Variants in TRIM49B observed in about 807,000 individuals in gnomAD.
TRIM49B encodes the protein putative tripartite motif-containing protein 49B.
A neutral mutation model predicts 31.8 loss-of-function variants in TRIM49B; 18 were observed. The ratio of observed to expected loss-of-function variants is 0.57; its 90% confidence interval spans 0.39 to 0.84. The LOEUF is 0.84. Among genes scored for constraint, TRIM49B ranks in the 40% least tolerant of loss-of-function variants. TRIM49B has a pLI of 0.00. For missense variants in TRIM49B, 494 were observed against 538.7 expected (o/e 0.92, Z 0.82); for synonymous variants, 196 against 180.6 (o/e 1.09, Z -0.68).
At chr11:49,029,321 G>A (rs1401804194) in intron 1 of TRIM49B, among the ~76,000 whole-genome samples, 1 of 152,158 alleles carries the variant, frequency 6.6e-6, no homozygotes, top group African/African-American at 2.4e-5. Context: ...ATTAATGAAT[G>A]ATGAGGTTAT....
chr11:49,038,108 C>A lies in TRIM49B; in HGVS notation c.*131C>A. 1.3e-6 allele frequency: 2 copies of A among 1,524,404 alleles called. No individual in the cohort carries two copies. The highest frequency in any genetic ancestry group is 1.8e-6 in the Non-Finnish European group (2 of 1,140,160). The allele number at this position is 1,524,404 out of a possible 1,614,324, so 94.4% of individuals were successfully genotyped here. On this transcript the variant is annotated 3_prime_UTR_variant, in exon 7 of 7. Transcript: ENST00000332682. ...ATCTTGAATTGCCTTCTAATGTTAT[C>A]AAAACTCATTTATTGTGTTACTATT...
At chr11:49,029,775 C>T (rs1335470443) in intron 1 of TRIM49B, among the ~76,000 whole-genome samples, 4 of 152,144 alleles carry the variant, frequency 2.6e-5, no homozygotes, top group Admixed American at 6.5e-5. Flanking sequence ...ATACATTTAT[C>T]GGCCATTTGA....
Position 49,037,782 on chromosome 11 carries a change from A to T in TRIM49B, c.1164A>T (p.Gln388His). The T allele has an allele frequency of 6.2e-7, 1 of 1,613,992 alleles. No individual in the cohort carries two copies. The highest frequency in any genetic ancestry group is 1.1e-5 in the South Asian group (1 of 91,070). ...FLLGCVKNDI[Q>H]RSLFTTSPLL... ...TTGGGTGTGTTAAGAATGACATTCA[A>T]CGCAGTCTCTTTACCACCTCCCCAC... Residue 388 changes from glutamine to histidine, a missense_variant, in exon 7 of 7, where the codon CAA becomes CAT. Transcript: ENST00000332682.
chr11:49,035,533 G>T (rs1421576898), intron 5 of TRIM49B, among the ~76,000 whole-genome samples: 3 of 151,498 alleles, frequency 2.0e-5, no homozygotes, highest in Non-Finnish European at 4.4e-5. Context: ...CTAATTTTTT[G>T]TATTTTTAGT....
chr11:49,035,760 G>A (rs1173046438), intron 5 of TRIM49B, among the ~76,000 whole-genome samples: 3 of 152,106 alleles, frequency 2.0e-5, no homozygotes, highest in African/African-American at 7.2e-5. Context: ...GAGAAGAGGA[G>A]GAAGTATTTT....
Position 49,038,075 on chromosome 11 carries a change from T to C in TRIM49B, c.*98T>C, listed in dbSNP as rs1412749432. On this transcript the variant is annotated 3_prime_UTR_variant, in exon 7 of 7. Transcript: ENST00000332682. ...CTTAACATACAGGACAAATAGGCTC[T>C]ATTTTATATCTTGAATTGCCTTCTA... 30 of 1,557,998 alleles carry C rather than the reference T, an allele frequency of 1.9e-5. No individual in the cohort carries two copies. Among genetic ancestry groups the C allele is most frequent in the Non-Finnish European group, 2.4e-5 (28 of 1,160,920 alleles).
At chr11:49,031,094 A>T (rs1324644608) in intron 1 of TRIM49B, among the ~76,000 whole-genome samples, 1 of 151,718 alleles carries the variant, frequency 6.6e-6, no homozygotes, top group East Asian at 1.9e-4. Context: ...CTTGTTATGT[A>T]GGTAAACTTG....
At chr11:49,036,079 G>GC (rs1175710173) in intron 5 of TRIM49B, among the ~76,000 whole-genome samples, 1 of 53,208 alleles carries the variant, frequency 1.9e-5, no homozygotes, top group Non-Finnish European at 4.3e-5. Flanking sequence ...CACATTTGGG[G>GC]CAAAAAAAAA....
At chr11:49,029,151 ATTGT>A (rs140625128) in intron 1 of TRIM49B, among the ~76,000 whole-genome samples, 176 bp downstream of exon 1, 27,552 of 151,934 alleles carry the variant, frequency 0.18, 2,866 homozygotes, top group African/African-American at 0.28. Flanking sequence ...GCTTTCTATG[ATTGT>A]TTAATATAGT....
At chr11:49,033,599 A>G (rs1049931936) in intron 3 of TRIM49B, among the ~76,000 whole-genome samples, 7 of 152,216 alleles carry the variant, frequency 4.6e-5, no homozygotes, top group African/African-American at 1.7e-4. Context: ...ACCACAAAGA[A>G]GTCTATGTTT....
intron 5 of TRIM49B, among the ~76,000 whole-genome samples, chr11:49,035,649 C>T (rs1387510794): frequency 3.3e-5 from 5 of 152,072 alleles, no homozygotes; most frequent in African/African-American, 7.2e-5. Context: ...TGAACCACCG[C>T]GCCCGGCCCC....
At chr11:49,033,875 A>G (rs2696919) in intron 3 of TRIM49B, among the ~76,000 whole-genome samples, 122,820 of 152,154 alleles carry the variant, frequency 0.81, 49,892 homozygotes, top group African/African-American at 0.83. Context: ...TTCCATAAAT[A>G]TGGGTTGGAA....
At chr11:49,037,203 T>C (rs181992568) in intron 6 of TRIM49B, among the ~76,000 whole-genome samples, 34 of 152,308 alleles carry the variant, frequency 2.2e-4, no homozygotes, top group Admixed American at 2.0e-3. Flanking sequence ...CAGCATTACA[T>C]TTAGGGCATA....
rs912936138 is a variant in TRIM49B at position 49,034,094 on chromosome 11, A to G, written c.508-52A>G. The G allele has an allele frequency of 9.3e-6, 15 of 1,610,152 alleles. No homozygotes were observed. In the African/African-American group the frequency reaches 1.9e-4, roughly 20 times the overall value. ...AGACAAAAGGAATCAGTGAGATTTA[A>G]TAGGAGATGGATATATACATTTCTC... On this transcript the variant is annotated intron_variant, in intron 3 of 6. Coordinates refer to ENST00000332682, the MANE Select transcript of TRIM49B (RefSeq NM_001206626.2).
rs1055197632 is a variant in TRIM49B, at chr11:49,034,164, C to T, written c.526C>T (p.Leu176=). 1.9e-6 allele frequency: 3 copies of T among 1,611,700 alleles called. No individual in the cohort carries two copies. The highest frequency in any genetic ancestry group is 2.5e-6 in the Non-Finnish European group (3 of 1,179,796). The change falls in exon 4 of 7, where the codon CTA becomes TTA. Residue 176 remains leucine, a synonymous_variant. Coordinates refer to ENST00000332682, the MANE Select transcript of TRIM49B (RefSeq NM_001206626.2). ...ACTGCAGGATTATGTGAATTTAAGG[C>T]TAGAAGCAATTAGAGCTGAGTATCA... ...RCWKDYVNLR[L]EAIRAEYQKM...
intron 4 of TRIM49B, among the ~76,000 whole-genome samples, chr11:49,034,633 T>C (rs1020045820): frequency 5.9e-5 from 9 of 152,042 alleles, no homozygotes; most frequent in Non-Finnish European, 1.2e-4. Context: ...ATATTCCCCA[T>C]CTAATTCAAT....
At position 49,038,083 on chromosome 11, in the gene TRIM49B, A is replaced by G; in HGVS notation, c.*106A>G. 2 of 1,556,890 alleles carry G rather than the reference A, an allele frequency of 1.3e-6. No individual in the cohort carries two copies. Among genetic ancestry groups the G allele is most frequent in the Non-Finnish European group, 1.7e-6 (2 of 1,160,428 alleles). ...ACAGGACAAATAGGCTCTATTTTAT[A>G]TCTTGAATTGCCTTCTAATGTTATC... is the stretch of plus-strand genomic sequence containing the variant. On this transcript the variant is annotated 3_prime_UTR_variant, in exon 7 of 7. Coordinates refer to ENST00000332682, the MANE Select transcript of TRIM49B (RefSeq NM_001206626.2).
chr11:49,031,103 T>C (rs1283066568), intron 1 of TRIM49B, among the ~76,000 whole-genome samples: 1 of 152,182 alleles, frequency 6.6e-6, no homozygotes, highest in East Asian at 1.9e-4. Context: ...TAGGTAAACT[T>C]GTGCCATGGT....
At chr11:49,033,577 G>C (rs1474020748) in intron 3 of TRIM49B, among the ~76,000 whole-genome samples, 1 of 152,058 alleles carries the variant, frequency 6.6e-6, no homozygotes, top group African/African-American at 2.4e-5. Flanking sequence ...TGTATATTTG[G>C]AGGCCAGAGG....
Sources: gnomAD v4.1 joint callset for allele counts (sites outside exome capture counted in the v4.1 genomes callset) on GRCh38, gnomAD v4.1.1 for gene constraint, MANE v1.5 for transcripts, NCBI Gene and HGNC (gene_info 2026-07-23, HGNC 2026-07-21) for gene names.